DPF3: variants seen among roughly 807,000 people sequenced by gnomAD.
The protein encoded by DPF3 is zinc finger protein DPF3.
Under a neutral mutation model 56.8 loss-of-function variants are expected in DPF3, and 18 were observed. The observed-to-expected ratio is 0.32, with a 90% CI of 0.22 to 0.47. The LOEUF (loss-of-function observed/expected upper bound fraction) is 0.47. DPF3 is among the 20% of genes least tolerant of loss of function. DPF3 has a pLI of 1.00. For synonymous variants in DPF3, 188 were observed against 180.2 expected, an observed-to-expected ratio of 1.04 and a Z score of -0.35; for missense variants, 403 against 488.8, an observed-to-expected ratio of 0.82 and a Z score of 1.65.
chr14:72,652,870 G>A (rs1275132100), intron 8 of DPF3, among the ~76,000 whole-genome samples: 3 of 152,164 alleles, frequency 2.0e-5, no homozygotes, highest in Non-Finnish European at 4.4e-5. Context: ...GCTGTACAAG[G>A]CCCAGGTGCT....
At chr14:72,790,133 T>A (rs895654332) in intron 1 of DPF3, among the ~76,000 whole-genome samples, 1 of 152,086 alleles carries the variant, frequency 6.6e-6, no homozygotes, top group Non-Finnish European at 1.5e-5. Context: ...ATGCCTGTAA[T>A]CCTAGCACTT....
At chr14:72,685,774 T>C (rs774303527) in intron 7 of DPF3, among the ~76,000 whole-genome samples, 14 of 152,224 alleles carry the variant, frequency 9.2e-5, no homozygotes, top group Non-Finnish European at 2.1e-4. Flanking sequence ...CTGTTGCTGT[T>C]TGGTATGTGG....
intron 3 of DPF3, among the ~76,000 whole-genome samples, chr14:72,738,028 G>A (rs553844333): frequency 1.3e-5 from 2 of 152,084 alleles, no homozygotes; most frequent in Admixed American, 6.5e-5. Context: ...CAAATTACAC[G>A]AAGGAGAAAA....
rs954103103 is a variant in DPF3, at chr14:72,624,288, T to C, written c.985-4304A>G. ...CCATTGGTGTAATACTGTTAACTAA[T>C]CTACAGACTTTATTTTAATTTCTCC... On this transcript the variant is annotated intron_variant, in intron 9 of 10. Transcript: ENST00000556509. Among the ~76,000 whole-genome samples the C allele has an allele frequency of 4.6e-5, 7 of 150,916 alleles. No individual in the cohort carries two copies. The South Asian group carries it at 1.5e-3, about 32-fold the overall frequency.
At chr14:72,686,226 GGCA>G (rs1472445904) in intron 7 of DPF3, among the ~76,000 whole-genome samples, 2 of 152,200 alleles carry the variant, frequency 1.3e-5, no homozygotes, top group Admixed American at 6.5e-5. Context: ...TCACAGTGGT[GGCA>G]AAGTCCCATC....
At chr14:72,771,705 C>A in intron 2 of DPF3, 28 bp downstream of exon 2, 2 of 1,595,330 alleles carry the variant, frequency 1.3e-6, no homozygotes, top group African/African-American at 1.3e-5. Flanking sequence ...CCTGCACATG[C>A]GCATGTCCCA....
intron 2 of DPF3, among the ~76,000 whole-genome samples, chr14:72,757,226 C>T (rs1344495082): frequency 6.6e-6 from 1 of 152,094 alleles, no homozygotes; most frequent in African/African-American, 2.4e-5. Flanking sequence ...GCAGTTCAAG[C>T]CCCCCAGGGA....
intron 2 of DPF3, 114 bp downstream of exon 2, chr14:72,771,619 C>T (rs1891535327): frequency 2.2e-6 from 3 of 1,344,840 alleles, no homozygotes; most frequent in South Asian, 3.1e-5. Context: ...CCATGTGCAG[C>T]TTGCCCCACC....
chr14:72,779,580 G>A (rs1891886946), intron 1 of DPF3, among the ~76,000 whole-genome samples: 2 of 152,158 alleles, frequency 1.3e-5, no homozygotes, highest in South Asian at 4.1e-4. Flanking sequence ...CCTCTTAATA[G>A]CTACACAACC....
At chr14:72,689,633 G>A (rs1423728036) in intron 7 of DPF3, among the ~76,000 whole-genome samples, 1 of 152,198 alleles carries the variant, frequency 6.6e-6, no homozygotes, top group African/African-American at 2.4e-5. Context: ...CTAATGACTA[G>A]GTATTAATGA....
At chr14:72,713,336 C>A (rs917778521) in intron 6 of DPF3, among the ~76,000 whole-genome samples, 9 of 152,208 alleles carry the variant, frequency 5.9e-5, no homozygotes, top group Non-Finnish European at 1.3e-4. Context: ...GGACACAGAA[C>A]AACTTTTTGA....
chr14:72,869,160 C>T (rs1885796898), intron 1 of DPF3, among the ~76,000 whole-genome samples: 1 of 152,210 alleles, frequency 6.6e-6, no homozygotes, highest in Admixed American at 6.5e-5. Context: ...CAAATGTTTC[C>T]TCTTCAAGGA....
intron 1 of DPF3, among the ~76,000 whole-genome samples, chr14:72,828,271 T>C (rs1883899203): frequency 6.6e-6 from 1 of 152,140 alleles, no homozygotes; most frequent in South Asian, 2.1e-4. Flanking sequence ...AAACAGCAGA[T>C]CCTGCCTTCA....
chr14:72,655,663 A>G (rs1886042887), intron 8 of DPF3, among the ~76,000 whole-genome samples: 1 of 152,260 alleles, frequency 6.6e-6, no homozygotes, highest in Non-Finnish European at 1.5e-5. Context: ...CTCGTGGCTC[A>G]TGCTACCAAA....
chr14:72,692,358 T>C (rs542532905), intron 7 of DPF3, among the ~76,000 whole-genome samples: 6 of 152,226 alleles, frequency 3.9e-5, no homozygotes, highest in South Asian at 2.1e-4. Flanking sequence ...CCAGAGACCA[T>C]AAGGGATGTT....
chr14:72,737,489 C>T (rs1385138222), intron 3 of DPF3, among the ~76,000 whole-genome samples: 2 of 152,168 alleles, frequency 1.3e-5, no homozygotes, highest in Non-Finnish European at 2.9e-5. Context: ...AAAATGCAAA[C>T]GCCACGAATG....
In DPF3 at chr14:72,756,906, AAAAG is replaced by A. The variant is rs1233456651; in HGVS notation, c.194-3539_194-3536del. On this transcript the variant is annotated intron_variant, in intron 2 of 10. Transcript: ENST00000556509. ...GAAGGAAAGAAAGAAAGAAAAGAAA[AAAAG>A]AAAGAAAGAAAGAAAGAAAGAAGAG... 4.1e-3 allele frequency among the ~76,000 whole-genome samples: 305 copies of A among 74,698 alleles called. 11 individuals carry two copies. Among genetic ancestry groups the A allele is most frequent in the East Asian group, 8.9e-3 (23 of 2,580 alleles). 49.0% of individuals were successfully genotyped at this position (74,698 alleles called of 152,430 possible).
At chr14:72,889,185 T>G (rs1886657468) in intron 1 of DPF3, among the ~76,000 whole-genome samples, 1 of 152,174 alleles carries the variant, frequency 6.6e-6, no homozygotes, top group Admixed American at 6.5e-5. Flanking sequence ...CAGCTCCCAT[T>G]CAACTGGCAG....
rs1004056443 is a variant in DPF3, at chr14:72,614,102, T to C, written c.*5195A>G. Among the ~76,000 whole-genome samples, 13 of 152,158 alleles carry C rather than the reference T, an allele frequency of 8.5e-5. No individual in the cohort carries two copies. Among genetic ancestry groups the C allele is most frequent in the Non-Finnish European group, 1.6e-4 (11 of 68,026 alleles). On this transcript the variant is annotated 3_prime_UTR_variant, in exon 11 of 11. Coordinates refer to ENST00000556509, the MANE Select transcript of DPF3 (RefSeq NM_001280542.3). The stretch of plus-strand genomic sequence containing the variant: ...GCCTTGAACCAACCCATCTGTCCCA[T>C]TGTTTCCACACTCAGGGCTGGTGGC...
Sources: gnomAD v4.1 joint callset for allele counts (sites outside exome capture counted in the v4.1 genomes callset) on GRCh38, gnomAD v4.1.1 for gene constraint, MANE v1.5 for transcripts, NCBI Gene and HGNC (gene_info 2026-07-23, HGNC 2026-07-21) for gene names.